MPDZ: variants seen among roughly 807,000 people sequenced by gnomAD.
The protein encoded by MPDZ is multiple PDZ domain protein.
Under a neutral mutation model 239.1 loss-of-function variants are expected in MPDZ, and 234 were observed. That is an observed-to-expected ratio of 0.98 (90% CI 0.88 to 1.09). The LOEUF (loss-of-function observed/expected upper bound fraction) is 1.09, where lower values mean the gene tolerates loss of function less well. MPDZ is among the 50% of genes least tolerant of loss of function. The pLI is 0.00. For synonymous variants in MPDZ, 1,048 were observed against 881.3 expected (o/e 1.19, Z -3.35); for missense variants, 3,175 against 2,510.0 (o/e 1.26, Z -5.66).
intron 1 of MPDZ, among the ~76,000 whole-genome samples, chr9:13,252,079 A>C (rs760215350): frequency 7.9e-5 from 12 of 152,214 alleles, no homozygotes; most frequent in Admixed American, 2.6e-4. Context: ...ATTAATGTCC[A>C]GTCAGTATAT....
intron 11 of MPDZ, 50 bp downstream of exon 11, chr9:13,205,866 T>C: frequency 2.1e-6 from 3 of 1,439,820 alleles, no homozygotes; most frequent in South Asian, 1.6e-5. Context: ...TTAAAAAAAA[T>C]TGGAGACAAT....
In MPDZ at chr9:13,188,882, C is replaced by T; in HGVS notation, c.2266G>A (p.Asp756Asn). The change falls in exon 17 of 47, where the codon GAT becomes AAT. Residue 756 changes from aspartate to asparagine, a missense_variant. Transcript: ENST00000319217. ...LPGDRLMFVNDVNLENSSLEE... is the reference protein window; with the variant it reads ...LPGDRLMFVNNVNLENSSLEE... ...AGACTGCTGTTTTCCAAGTTAACAT[C>T]GTTTACAAACATGAGTCGGTCACCA... 1.9e-6 allele frequency: 3 copies of T among 1,613,562 alleles called. No individual in the cohort carries two copies. The highest frequency in any genetic ancestry group is 4.5e-5 in the East Asian group (2 of 44,850).
At chr9:13,260,410 T>C (rs1970415970) in intron 1 of MPDZ, among the ~76,000 whole-genome samples, 1 of 152,160 alleles carries the variant, frequency 6.6e-6, no homozygotes, top group South Asian at 2.1e-4. Flanking sequence ...TTCCGGGCTT[T>C]GGTTACTGAT....
chr9:13,137,298 GC>G (rs1946968835), intron 29 of MPDZ, among the ~76,000 whole-genome samples: 1 of 152,140 alleles, frequency 6.6e-6, no homozygotes, highest in African/African-American at 2.4e-5. Flanking sequence ...ACAGCACAGT[GC>G]CTAACGCAAA....
In MPDZ at chr9:13,112,114, A is replaced by G. The variant is rs763333032; in HGVS notation, c.5634T>C (p.Ala1878=). ...GPTDSLGISI[A]GGVGSPLGDV... ...CACCAAGTGGGCTGCCTACTCCTCC[A>G]GCGATGCTGATTCCCAGTGAGTCAG... The change falls in exon 43 of 47, where the codon GCT becomes GCC. Residue 1878 remains alanine, a synonymous_variant. Coordinates refer to ENST00000319217, the MANE Select transcript of MPDZ (RefSeq NM_001378778.1). 2 of 1,613,226 alleles carry G rather than the reference A, an allele frequency of 1.2e-6. No homozygotes were observed. The highest frequency in any genetic ancestry group is 1.3e-5 in the African/African-American group (1 of 74,908).
chr9:13,125,341 T>C lies in MPDZ; in HGVS notation c.4682A>G (p.His1561Arg), dbSNP rs1376377662. The change falls in exon 35 of 47, where the codon CAT (histidine) becomes CGT (arginine). Residue 1561 changes from histidine (H) to arginine (R), a missense_variant. His to Arg is a conservative substitution (Grantham distance 29, BLOSUM62 0). Coordinates refer to ENST00000319217, the MANE Select transcript of MPDZ (RefSeq NM_001378778.1). ...AGCCTGGGAATCTGGATTCTCAGCA[T>C]GGATGGTAAGTTTTACTGTCATCTT... ...TAKMTVKLTI[H>R]AENPDSQAVP... The C allele has an allele frequency of 6.8e-6, 11 of 1,613,872 alleles. No homozygotes were observed. Among genetic ancestry groups the C allele is most frequent in the Non-Finnish European group, 8.5e-6 (10 of 1,179,760 alleles).
chr9:13,114,111 T>C (rs958416381), intron 40 of MPDZ, 90 bp from the exon 41 acceptor site: 11 of 984,362 alleles, frequency 1.1e-5, no homozygotes, highest in Non-Finnish European at 1.7e-5. Flanking sequence ...TAGAGACAGA[T>C]ACCTGTTAAG....
At chr9:13,136,250 T>C (rs1946726430) in intron 30 of MPDZ, 68 bp from the exon 31 acceptor site, 3 of 1,063,704 alleles carry the variant, frequency 2.8e-6, no homozygotes, top group Non-Finnish European at 1.4e-6. Context: ...ACTTCAAGAG[T>C]CAGAAGGTTA....
At chr9:13,244,448 T>C (rs944033774) in intron 3 of MPDZ, among the ~76,000 whole-genome samples, 2 of 152,144 alleles carry the variant, frequency 1.3e-5, no homozygotes, top group Non-Finnish European at 2.9e-5. Context: ...TCTCTTCACT[T>C]AAACAGGAAT....
chr9:13,250,954 C>A (rs1210117602), intron 1 of MPDZ, among the ~76,000 whole-genome samples: 1 of 151,592 alleles, frequency 6.6e-6, no homozygotes, highest in South Asian at 2.1e-4. Flanking sequence ...CATGGTGAAA[C>A]CCCGTCTCTG....
At chr9:13,259,233 C>T (rs1021012769) in intron 1 of MPDZ, among the ~76,000 whole-genome samples, 4 of 152,014 alleles carry the variant, frequency 2.6e-5, no homozygotes, top group African/African-American at 9.7e-5. Flanking sequence ...AATATAGCCT[C>T]CGCCTCCTGG....
chr9:13,110,295 T>C (rs950879394), intron 44 of MPDZ, among the ~76,000 whole-genome samples: 1 of 152,224 alleles, frequency 6.6e-6, no homozygotes, highest in African/African-American at 2.4e-5. Flanking sequence ...AGTTCTTTGA[T>C]GTTTTTAAAA....
rs1460001155 is a variant in MPDZ at position 13,168,404 on chromosome 9, A to T, written c.3216T>A (p.Ala1072=). ...TISVTNAQAR[A]MLRRHSLIGP... ...CAATGAGAGAATGTCTTCTCAACAT[A>T]GCTCGTGCCTGGGCATTGGTTACAC... is the stretch of plus-strand genomic sequence containing the variant. Residue 1072 remains alanine, a synonymous_variant, in exon 22 of 47, where the codon GCT becomes GCA. Transcript: ENST00000319217. 6.2e-7 allele frequency: 1 copy of T among 1,613,510 alleles called. No individual in the cohort carries two copies. Among genetic ancestry groups the T allele is most frequent in the Non-Finnish European group, 8.5e-7 (1 of 1,179,552 alleles).
Position 13,244,135 on chromosome 9 carries a change from T to A in MPDZ, c.183+3500A>T, listed in dbSNP as rs1232939774. Among the ~76,000 whole-genome samples the A allele has an allele frequency of 1.3e-5, 2 of 152,224 alleles. 1 individual carries two copies. The highest frequency in any genetic ancestry group is 4.8e-5 in the African/African-American group (2 of 41,462). ...TACAGATAATTCAGGGTAAAAAGAT[T>A]AATTTAGTGCCACTGGTCAATTCTT... On this transcript the variant is annotated intron_variant, in intron 3 of 46. Transcript: ENST00000319217.
intron 21 of MPDZ, among the ~76,000 whole-genome samples, chr9:13,170,549 C>G (rs761836280): frequency 1.7e-4 from 26 of 152,040 alleles, no homozygotes; most frequent in Non-Finnish European, 3.1e-4. Flanking sequence ...GCCAGCCTTC[C>G]CACCAATACC....
At chr9:13,118,967 C>T (rs1373263669) in intron 39 of MPDZ, among the ~76,000 whole-genome samples, 1 of 152,156 alleles carries the variant, frequency 6.6e-6, no homozygotes, top group African/African-American at 2.4e-5. Flanking sequence ...ACCTTCGTTG[C>T]ATAAGGATGA....
At chr9:13,253,343 C>CT (rs1030667647) in intron 1 of MPDZ, among the ~76,000 whole-genome samples, 1 of 151,788 alleles carries the variant, frequency 6.6e-6, no homozygotes, top group Non-Finnish European at 1.5e-5. Flanking sequence ...AAATGCATAG[C>CT]TTTTTTTGAG....
chr9:13,206,609 T>C (rs568686335), intron 10 of MPDZ, among the ~76,000 whole-genome samples: 2 of 151,950 alleles, frequency 1.3e-5, no homozygotes, highest in African/African-American at 4.8e-5. Flanking sequence ...AGTGGTGCGA[T>C]CTCGGCTCAT....
At chr9:13,227,581 A>G (rs929666365) in intron 3 of MPDZ, among the ~76,000 whole-genome samples, 1 of 152,118 alleles carries the variant, frequency 6.6e-6, no homozygotes, top group African/African-American at 2.4e-5. Context: ...TCGCATCCCG[A>G]GAATAGAGAG....
Sources: gnomAD v4.1 joint callset for allele counts (sites outside exome capture counted in the v4.1 genomes callset) on GRCh38, gnomAD v4.1.1 for gene constraint, MANE v1.5 for transcripts, NCBI Gene and HGNC (gene_info 2026-07-23, HGNC 2026-07-21) for gene names.